GOLGA4: variants seen among roughly 807,000 people sequenced by gnomAD.
GOLGA4 encodes the protein golgin subfamily A member 4.
Under a neutral mutation model 265.9 loss-of-function variants are expected in GOLGA4, and 169 were observed. That is an observed-to-expected ratio of 0.64 (90% confidence interval 0.56 to 0.72). The LOEUF is 0.72. Ranked by LOEUF, GOLGA4 falls within the 30% of genes least tolerant of loss-of-function variation. The pLI is 0.00. For missense variants in GOLGA4, 2,482 were observed against 2,483.4 expected (o/e 1.00, Z 0.01); for synonymous variants, 923 against 855.8 (o/e 1.08, Z -1.37).
At chr3:37,260,201 A>G (rs2150661450) in intron 2 of GOLGA4, among the ~76,000 whole-genome samples, 1 of 152,172 alleles carries the variant, frequency 6.6e-6, no homozygotes, top group Middle Eastern at 3.4e-3. Flanking sequence ...ATGTTTTAAG[A>G]AAGTTTATGA....
rs1211219542 is a variant in GOLGA4, at chr3:37,289,217, T to C, written c.526-18T>C. ...CAGTTAGCTGTTTAACCAGCTTTTT[T>C]TTCTCTCTCAATTAAAGGGTATATT... is the stretch of plus-strand genomic sequence containing the variant. On this transcript the variant is annotated intron_variant, in intron 4 of 23. Coordinates refer to ENST00000361924, the MANE Select transcript of GOLGA4 (RefSeq NM_002078.5). The C allele has an allele frequency of 6.7e-7, 1 of 1,500,958 alleles. No individual in the cohort carries two copies. The highest frequency in any genetic ancestry group is 1.9e-5 in the Admixed American group (1 of 51,696). 93.0% of individuals were successfully genotyped at this position (1,500,958 alleles called of 1,614,324 possible). A position where few individuals can be genotyped will look rare whatever the true frequency, so the allele number is the denominator to read the frequency against.
intron 14 of GOLGA4, 124 bp from the exon 15 acceptor site, chr3:37,328,280 ACTCTCTCTCTCT>A (rs5847960): frequency 5.8e-6 from 4 of 685,522 alleles, no homozygotes; most frequent in Non-Finnish European, 1.0e-5. Flanking sequence ...TCACTCTCAC[ACTCTCTCTCTCT>A]CTCTCTCTCA....
intron 16 of GOLGA4, 103 bp downstream of exon 16, chr3:37,329,196 G>GT: frequency 1.0e-6 from 1 of 971,346 alleles, no homozygotes; most frequent in Non-Finnish European, 1.5e-6. Flanking sequence ...TGAACGAAAA[G>GT]GGTTTTTTTT....
intron 2 of GOLGA4, among the ~76,000 whole-genome samples, chr3:37,258,255 G>T (rs2096759632): frequency 6.8e-6 from 1 of 146,806 alleles, no homozygotes; most frequent in African/African-American, 2.5e-5. Flanking sequence ...AGCATATATA[G>T]AGAGCATATA....
rs574619033 is a variant in GOLGA4, at chr3:37,273,606, G to A, written c.163-8352G>A. The A allele has an allele frequency of 1.5e-3, 2,073 of 1,400,398 alleles. 3 individuals carry two copies. Among genetic ancestry groups the A allele is most frequent in the Non-Finnish European group, 1.7e-3 (1,725 of 1,023,174 alleles). The allele number at this position is 1,400,398 out of a possible 1,614,324, so 86.7% of individuals were successfully genotyped here. A position where few individuals can be genotyped will look rare whatever the true frequency, so the allele number is the denominator to read the frequency against. ...AGTGAACCAAGCATTCCTCAGGTCT[G>A]TTACTAATTGTTATTTTAGAAAATA... On this transcript the variant is annotated intron_variant, in intron 2 of 23. Transcript: ENST00000361924.
Position 37,298,942 on chromosome 3 carries a change from A to C in GOLGA4, c.924A>C (p.Gln308His), listed in dbSNP as rs141463650. The C allele has an allele frequency of 6.2e-7, 1 of 1,612,520 alleles. No individual in the cohort carries two copies. Among genetic ancestry groups the C allele is most frequent in the Admixed American group, 1.7e-5 (1 of 59,934 alleles). The change falls in exon 8 of 24, where the codon CAA becomes CAC. Residue 308 changes from glutamine (Q) to histidine (H), a missense_variant. Around this residue, in one of 3 missense-constraint regions of GOLGA4, gnomAD observed 1,536 missense variants for 1,483.7 expected, o/e 1.04. Transcript: ENST00000361924. Reference protein sequence around the residue: ...CKETIQSHKEQCTLLTSEKEA... With the variant: ...CKETIQSHKEHCTLLTSEKEA... ...AAACAATTCAGTCACATAAGGAACA[A>C]TGTACACTATTAACTAGTGAAAAAG...
chr3:37,258,864 T>C (rs919575759), intron 2 of GOLGA4, among the ~76,000 whole-genome samples: 4 of 152,194 alleles, frequency 2.6e-5, no homozygotes, highest in Non-Finnish European at 5.9e-5. Flanking sequence ...TAATCTTTTT[T>C]ATATATTACC....
At chr3:37,248,368 A>C (rs2096725169) in intron 1 of GOLGA4, among the ~76,000 whole-genome samples, 1 of 152,230 alleles carries the variant, frequency 6.6e-6, no homozygotes, top group Non-Finnish European at 1.5e-5. Flanking sequence ...GTCTGGATGT[A>C]GCTGTCAGGT....
intron 19 of GOLGA4, among the ~76,000 whole-genome samples, chr3:37,339,366 T>C (rs886398766): frequency 2.0e-5 from 3 of 152,236 alleles, no homozygotes; most frequent in Non-Finnish European, 4.4e-5. Flanking sequence ...AACATTGATA[T>C]ACAGGTTTTT....
intron 10 of GOLGA4, among the ~76,000 whole-genome samples, chr3:37,314,522 T>C (rs1185848550): frequency 6.6e-6 from 1 of 151,940 alleles, no homozygotes; most frequent in African/African-American, 2.4e-5. Context: ...ATGCCTGTGG[T>C]CCCAGCTACT....
chr3:37,339,533 A>G (rs574478406), intron 19 of GOLGA4, among the ~76,000 whole-genome samples: 81 of 152,344 alleles, frequency 5.3e-4, no homozygotes, highest in African/African-American at 1.9e-3. Flanking sequence ...TAAGAGTTCC[A>G]GTGTCTCCAT....
At chr3:37,255,280 A>C (rs1031391081) in intron 2 of GOLGA4, among the ~76,000 whole-genome samples, 1 of 150,772 alleles carries the variant, frequency 6.6e-6, no homozygotes, top group Non-Finnish European at 1.5e-5. Flanking sequence ...CCCTGCCTCA[A>C]CCTCCCGAGT....
chr3:37,359,027 A>G (rs2097097653), intron 22 of GOLGA4, among the ~76,000 whole-genome samples: 1 of 152,226 alleles, frequency 6.6e-6, no homozygotes, highest in Non-Finnish European at 1.5e-5. Flanking sequence ...CAAGTAGGAA[A>G]AAGAATTGCC....
At chr3:37,246,343 C>T (rs1406244684) in intron 1 of GOLGA4, among the ~76,000 whole-genome samples, 1 of 151,824 alleles carries the variant, frequency 6.6e-6, no homozygotes, top group Non-Finnish European at 1.5e-5. Context: ...ACAACAAATA[C>T]CTATTTTGGA....
At chr3:37,258,150 C>G (rs1280891866) in intron 2 of GOLGA4, among the ~76,000 whole-genome samples, 2 of 135,718 alleles carry the variant, frequency 1.5e-5, no homozygotes, top group African/African-American at 5.5e-5. Context: ...TATATATGTT[C>G]TGTATATGTA....
intron 2 of GOLGA4, among the ~76,000 whole-genome samples, chr3:37,268,328 C>T (rs1273166373): frequency 6.6e-6 from 1 of 152,094 alleles, no homozygotes; most frequent in East Asian, 1.9e-4. Flanking sequence ...AGGTGATCCT[C>T]TTGCCTCAGC....
At chr3:37,356,812 A>G (rs963841291) in intron 22 of GOLGA4, among the ~76,000 whole-genome samples, 1 of 152,136 alleles carries the variant, frequency 6.6e-6, no homozygotes, top group African/African-American at 2.4e-5. Flanking sequence ...AGTTATCTTT[A>G]TTCATTCTTT....
rs368156698 is a variant in GOLGA4, at chr3:37,271,525, T to C, written c.163-10433T>C. The stretch of plus-strand genomic sequence containing the variant: ...GTAGTAGTATTGGTACAAGAACCCC[T>C]CCCCATATCTATTACCCAATGCCAA... On this transcript the variant is annotated intron_variant, in intron 2 of 23. Coordinates refer to ENST00000361924, the MANE Select transcript of GOLGA4 (RefSeq NM_002078.5). 8.5e-5 allele frequency among the ~76,000 whole-genome samples: 13 copies of C among 152,216 alleles called. No homozygotes were observed. The East Asian group carries it at 2.1e-3, about 25-fold the overall frequency.
chr3:37,344,739 C>T (rs1198033072), intron 20 of GOLGA4, among the ~76,000 whole-genome samples: 1 of 152,110 alleles, frequency 6.6e-6, no homozygotes, highest in African/African-American at 2.4e-5. Context: ...TTTGAATGTC[C>T]ATAGAAATTT....
Sources: gnomAD v4.1 joint callset for allele counts (sites outside exome capture counted in the v4.1 genomes callset) on GRCh38, gnomAD v4.1.1 for gene constraint, gnomAD v4.1.1 regional missense constraint, MANE v1.5 for transcripts, NCBI Gene and HGNC (gene_info 2026-07-23, HGNC 2026-07-21) for gene names.